The following SEMA5A variants were observed in gnomAD, a reference collection of about 807,000 sequenced individuals.
SEMA5A encodes semaphorin-5A.
A neutral mutation model predicts 135.5 loss-of-function variants in SEMA5A; 55 were observed. The ratio of observed to expected loss-of-function variants is 0.41; its 90% CI spans 0.33 to 0.51. The LOEUF is 0.51. Ranked by LOEUF, SEMA5A falls within the 20% of genes least tolerant of loss-of-function variation. The pLI is 0.37. For synonymous variants in SEMA5A, 580 were observed against 546.5 expected (o/e 1.06, Z -0.85); for missense variants, 1,290 against 1,419.9 (o/e 0.91, Z 1.47).
At chr5:9,072,793 T>TG (rs1737842031) in intron 16 of SEMA5A, among the ~76,000 whole-genome samples, 2 of 152,222 alleles carry the variant, frequency 1.3e-5, no homozygotes, top group African/African-American at 2.4e-5. Flanking sequence ...GACAAAAAAA[T>TG]TGTCTACCAG....
At chr5:9,530,975 T>C (rs1037821158) in intron 1 of SEMA5A, among the ~76,000 whole-genome samples, 3 of 152,266 alleles carry the variant, frequency 2.0e-5, no homozygotes, top group Non-Finnish European at 4.4e-5. Context: ...CTTCACATCT[T>C]GAGGCTTTTC....
chr5:9,080,827 G>T (rs1241436911), intron 16 of SEMA5A, among the ~76,000 whole-genome samples: 1 of 152,126 alleles, frequency 6.6e-6, no homozygotes, highest in Non-Finnish European at 1.5e-5. Flanking sequence ...GGGGCCCTCT[G>T]ATAGGAAGCA....
At chr5:9,367,085 A>T (rs1306523346) in intron 3 of SEMA5A, among the ~76,000 whole-genome samples, 3 of 152,260 alleles carry the variant, frequency 2.0e-5, no homozygotes, top group African/African-American at 7.2e-5. Flanking sequence ...GTGATGCTGG[A>T]AGGCAAAGGT....
At chr5:9,101,811 G>A (rs1407085814) in intron 16 of SEMA5A, among the ~76,000 whole-genome samples, 1 of 152,058 alleles carries the variant, frequency 6.6e-6, no homozygotes, top group Non-Finnish European at 1.5e-5. Context: ...TATTCATATA[G>A]GGTCTGCATC....
chr5:9,381,992 G>A lies in SEMA5A; in HGVS notation c.-77-1969C>T, dbSNP rs1035267948. Among the ~76,000 whole-genome samples the A allele has an allele frequency of 2.6e-4, 39 of 147,896 alleles. 1 individual carries two copies. Among genetic ancestry groups the A allele is most frequent in the African/African-American group, 8.1e-4 (32 of 39,358 alleles). Reference sequence around the variant, plus strand: ...TGTGTGTGTGTGTGTGCGCGCGCGCGCACATCAAGTTTCAGACACGTGGCC... The same window carrying A: ...TGTGTGTGTGTGTGTGCGCGCGCGCACACATCAAGTTTCAGACACGTGGCC... On this transcript the variant is annotated intron_variant, in intron 2 of 22. Coordinates refer to ENST00000382496, the MANE Select transcript of SEMA5A (RefSeq NM_003966.3).
intron 3 of SEMA5A, among the ~76,000 whole-genome samples, chr5:9,358,727 T>G (rs985462180): frequency 6.6e-6 from 1 of 152,168 alleles, no homozygotes; most frequent in African/African-American, 2.4e-5. Flanking sequence ...CATAAGTCAT[T>G]CAGTGCACCC....
At chr5:9,194,597 G>A (rs373407459) in intron 10 of SEMA5A, among the ~76,000 whole-genome samples, 63 of 152,294 alleles carry the variant, frequency 4.1e-4, no homozygotes, top group African/African-American at 1.4e-3. Flanking sequence ...TGCCAGTGTG[G>A]TTATCAAATA....
intron 16 of SEMA5A, among the ~76,000 whole-genome samples, chr5:9,071,326 C>T (rs1477087103): frequency 1.3e-5 from 2 of 152,152 alleles, no homozygotes; most frequent in African/African-American, 4.8e-5. Context: ...TCTTCTAATT[C>T]AGGCCCCCAT....
chr5:9,480,455 G>A (rs1352908158), intron 1 of SEMA5A, among the ~76,000 whole-genome samples: 1 of 152,208 alleles, frequency 6.6e-6, no homozygotes, highest in South Asian at 2.1e-4. Context: ...GGGGGACACA[G>A]CATTAATAAT....
At position 9,197,784 on chromosome 5, in the gene SEMA5A, GTTTT is replaced by G. The variant is rs144418210; in HGVS notation, c.933-485_933-482del. ...TGTGTGTGTGTGTGTGTGTGTGTGTGTTTTAACCCAGATATTTGTTTTATTTGTC... is the reference window on the plus strand; with the variant it reads ...TGTGTGTGTGTGTGTGTGTGTGTGTGAACCCAGATATTTGTTTTATTTGTC... On this transcript the variant is annotated intron_variant, in intron 9 of 22. Transcript: ENST00000382496. Among the ~76,000 whole-genome samples the G allele has an allele frequency of 3.7e-3, 407 of 108,692 alleles. 12 individuals are homozygous for G. Among genetic ancestry groups the G allele is most frequent in the East Asian group, 0.023 (59 of 2,620 alleles). The allele number at this position is 108,692 out of a possible 152,430, so 71.3% of individuals were successfully genotyped here.
intron 5 of SEMA5A, among the ~76,000 whole-genome samples, chr5:9,272,419 G>T (rs1228583728): frequency 6.6e-6 from 1 of 152,260 alleles, no homozygotes; most frequent in Non-Finnish European, 1.5e-5. Context: ...GGGGGAAGGG[G>T]AGGTTTTTGG....
intron 7 of SEMA5A, among the ~76,000 whole-genome samples, chr5:9,225,896 G>T (rs900602675): frequency 6.6e-6 from 1 of 152,090 alleles, no homozygotes; most frequent in Non-Finnish European, 1.5e-5. Context: ...GGTCAGGCCC[G>T]GTAGGTACAG....
chr5:9,167,575 A>G (rs1743683336), intron 11 of SEMA5A, among the ~76,000 whole-genome samples: 1 of 152,068 alleles, frequency 6.6e-6, no homozygotes, highest in Non-Finnish European at 1.5e-5. Flanking sequence ...CATGCTTTGC[A>G]TATTCTGTGC....
intron 1 of SEMA5A, among the ~76,000 whole-genome samples, chr5:9,440,636 A>G (rs191721422): frequency 1.2e-4 from 19 of 152,176 alleles, no homozygotes; most frequent in African/African-American, 4.3e-4. Flanking sequence ...GGCCACCTAC[A>G]CTCTTCAAAT....
intron 12 of SEMA5A, among the ~76,000 whole-genome samples, chr5:9,153,277 C>A (rs1015408909): frequency 6.6e-6 from 1 of 152,154 alleles, no homozygotes; most frequent in South Asian, 2.1e-4. Flanking sequence ...TGCCTAAGAA[C>A]ATTTAAGATT....
chr5:9,519,945 C>T (rs1736729497), intron 1 of SEMA5A: 1 of 152,220 alleles, frequency 6.6e-6, no homozygotes, highest in South Asian at 2.1e-4. Context: ...TGTCACAACA[C>T]ATACAATAAC....
chr5:9,042,525 CTTGA>C lies in SEMA5A; in HGVS notation c.*368_*371del. Reference sequence around the variant, plus strand: ...GTCTTTCAGAGAAAGTGCCTATTTTCTTGAATTACAACATCATGAAGATTTACAC... The same window carrying C: ...GTCTTTCAGAGAAAGTGCCTATTTTCATTACAACATCATGAAGATTTACAC... On this transcript the variant is annotated 3_prime_UTR_variant, in exon 23 of 23. Transcript: ENST00000382496. 9 of 232,870 alleles carry C rather than the reference CTTGA, an allele frequency of 3.9e-5. No individual in the cohort carries two copies. Among genetic ancestry groups the C allele is most frequent in the South Asian group, 1.9e-4 (3 of 16,210 alleles). The allele number at this position is 232,870 out of a possible 1,614,324, so 14.4% of individuals were successfully genotyped here.
At chr5:9,503,153 G>A (rs1199337571) in intron 1 of SEMA5A, among the ~76,000 whole-genome samples, 1 of 152,112 alleles carries the variant, frequency 6.6e-6, no homozygotes, top group Non-Finnish European at 1.5e-5. Context: ...CAGAATGAAT[G>A]AATTCAAAAT....
chr5:9,238,036 C>T (rs1748005795), intron 5 of SEMA5A, 146 bp from the exon 6 acceptor site: 2 of 673,800 alleles, frequency 3.0e-6, no homozygotes, highest in South Asian at 1.9e-5. Context: ...GAATTTACAC[C>T]AAATACATGA....
Sources: gnomAD v4.1 joint callset for allele counts (sites outside exome capture counted in the v4.1 genomes callset) on GRCh38, gnomAD v4.1.1 for gene constraint, MANE v1.5 for transcripts, NCBI Gene and HGNC (gene_info 2026-07-23, HGNC 2026-07-21) for gene names.